Variants in TSGA10 observed in about 807,000 individuals in gnomAD.
TSGA10 encodes testis-specific gene 10 protein.
Under a neutral mutation model 96.6 loss-of-function variants are expected in TSGA10, and 43 were observed. That is an observed-to-expected ratio of 0.44 (90% CI 0.35 to 0.57). TSGA10 has a LOEUF of 0.57. Among genes scored for constraint, TSGA10 ranks in the 20% least tolerant of loss-of-function variants. The probability of loss-of-function intolerance (pLI) is 0.01; values close to 1 mark genes in which losing one functional copy is unlikely to be tolerated. For synonymous variants in TSGA10, 229 were observed against 269.9 expected (o/e 0.85, Z 1.48); for missense variants, 703 against 834.4 (o/e 0.84, Z 1.94).
At chr2:99,050,245 T>C (rs1573858181) in intron 16 of TSGA10, among the ~76,000 whole-genome samples, 1 of 152,214 alleles carries the variant, frequency 6.6e-6, no homozygotes, top group East Asian at 1.9e-4. Flanking sequence ...AGACACACAA[T>C]TGTATAAAGT....
chr2:99,117,996 T>C (rs2092366847), intron 3 of TSGA10, among the ~76,000 whole-genome samples: 1 of 152,182 alleles, frequency 6.6e-6, no homozygotes, highest in South Asian at 2.1e-4. Context: ...TTATAGTTTA[T>C]TTTAAAAAGA....
chr2:99,067,605 C>T (rs1304925554), intron 15 of TSGA10, among the ~76,000 whole-genome samples: 2 of 152,088 alleles, frequency 1.3e-5, no homozygotes, highest in Non-Finnish European at 2.9e-5. Context: ...GTAATCCCAG[C>T]ACTTTGGGAG....
intron 20 of TSGA10, among the ~76,000 whole-genome samples, chr2:99,000,348 A>C (rs1461141755): frequency 6.6e-6 from 1 of 150,686 alleles, no homozygotes; most frequent in Non-Finnish European, 1.5e-5. Context: ...CTCTACTGAA[A>C]AAAAAAAAAA....
At position 99,018,341 on chromosome 2, in the gene TSGA10, G is replaced by A. The variant is rs772444755; in HGVS notation, c.1931C>T (p.Ala644Val). The A allele has an allele frequency of 1.2e-5, 19 of 1,613,744 alleles. No homozygotes were observed. In the East Asian group the frequency reaches 3.8e-4, roughly 32 times the overall value. The change falls in exon 20 of 21, where the codon GCC becomes GTC. Residue 644 changes from alanine to valine, a missense_variant. Ala to Val is a moderately conservative substitution (Grantham distance 64). This residue lies in a region of TSGA10 where 69 missense variants were observed against 81.3 expected (regional missense o/e 0.85). Coordinates refer to ENST00000393483, the MANE Select transcript of TSGA10 (RefSeq NM_025244.4). Reference protein sequence around the residue: ...LGTERFERERAVQELRRQNYS... With the variant: ...LGTERFERERVVQELRRQNYS... Reference sequence around the variant, plus strand: ...ATTTTGGCGGCGAAGTTCTTGTACGGCCCTCTCCCTAAAGCAAAATAGTGA... The same window carrying A: ...ATTTTGGCGGCGAAGTTCTTGTACGACCCTCTCCCTAAAGCAAAATAGTGA...
At chr2:99,144,084 G>A (rs1404375102) in intron 1 of TSGA10, among the ~76,000 whole-genome samples, 1 of 152,082 alleles carries the variant, frequency 6.6e-6, no homozygotes, top group South Asian at 2.1e-4. Context: ...GCAGTGGCGC[G>A]ATCTCCGCTC....
chr2:99,056,663 T>C (rs1239617085), intron 16 of TSGA10, among the ~76,000 whole-genome samples: 1 of 152,040 alleles, frequency 6.6e-6, no homozygotes, highest in Non-Finnish European at 1.5e-5. Context: ...GAAGAATCAA[T>C]GCAAATTCCA....
At chr2:99,031,753 A>G (rs573187817) in intron 17 of TSGA10, among the ~76,000 whole-genome samples, 59 of 152,260 alleles carry the variant, frequency 3.9e-4, no homozygotes, top group African/African-American at 1.4e-3. Flanking sequence ...CATTACTCGC[A>G]TTACTGTCTG....
intron 16 of TSGA10, among the ~76,000 whole-genome samples, chr2:99,037,643 G>A (rs1050171130): frequency 2.0e-5 from 3 of 152,100 alleles, no homozygotes; most frequent in Non-Finnish European, 4.4e-5. Flanking sequence ...GAGGCCAGGA[G>A]TTCGAGACCA....
intron 10 of TSGA10, among the ~76,000 whole-genome samples, chr2:99,094,303 GAAGATAA>G: frequency 6.6e-6 from 1 of 152,106 alleles, no homozygotes; most frequent in Non-Finnish European, 1.5e-5. Flanking sequence ...AAAAATTATA[GAAGATAA>G]CATTGAAAAA....
At chr2:99,064,281 G>A (rs1169548493) in intron 16 of TSGA10, among the ~76,000 whole-genome samples, 2 of 152,066 alleles carry the variant, frequency 1.3e-5, no homozygotes, top group Admixed American at 1.3e-4. Context: ...TTTAAAAAGG[G>A]AATATTTATA....
intron 10 of TSGA10, among the ~76,000 whole-genome samples, chr2:99,086,823 T>C (rs2088471508): frequency 4.6e-5 from 7 of 151,812 alleles, no homozygotes; most frequent in Admixed American, 4.6e-4. Context: ...ATAATCTACA[T>C]AGGAAATCCT....
intron 16 of TSGA10, among the ~76,000 whole-genome samples, chr2:99,039,018 A>T (rs1423354488): frequency 6.6e-6 from 1 of 152,138 alleles, no homozygotes; most frequent in Non-Finnish European, 1.5e-5. Context: ...ATGGACATTA[A>T]ATAATCTGCT....
At chr2:99,153,344 C>G (rs2093711972) in intron 1 of TSGA10, among the ~76,000 whole-genome samples, 1 of 152,094 alleles carries the variant, frequency 6.6e-6, no homozygotes, top group Non-Finnish European at 1.5e-5. Flanking sequence ...GCAGTTTTTC[C>G]AAGAAGCTTG....
intron 16 of TSGA10, among the ~76,000 whole-genome samples, chr2:99,052,555 G>A (rs566987302): frequency 2.6e-5 from 4 of 151,802 alleles, no homozygotes; most frequent in East Asian, 1.9e-4. Context: ...TGGCTAACAC[G>A]GTGAAACCCC....
At chr2:99,091,786 C>G (rs1304456496) in intron 10 of TSGA10, among the ~76,000 whole-genome samples, 1 of 151,900 alleles carries the variant, frequency 6.6e-6, no homozygotes, top group Admixed American at 6.6e-5. Flanking sequence ...TACTACTAAA[C>G]CTAATAATTG....
At chr2:99,024,417 T>C (rs1160071517) in intron 17 of TSGA10, among the ~76,000 whole-genome samples, 1 of 152,198 alleles carries the variant, frequency 6.6e-6, no homozygotes, top group Admixed American at 6.5e-5. Flanking sequence ...GCTACCCTTT[T>C]TGATGCAATT....
intron 19 of TSGA10, 37 bp from the exon 20 acceptor site, chr2:99,018,386 A>C (rs2079720347): frequency 3.1e-6 from 5 of 1,603,628 alleles, no homozygotes; most frequent in Non-Finnish European, 4.3e-6. Flanking sequence ...TTTTATATCC[A>C]GCAAAATTAT....
chr2:99,057,631 T>C (rs2084158977), intron 16 of TSGA10, among the ~76,000 whole-genome samples: 1 of 152,158 alleles, frequency 6.6e-6, no homozygotes, highest in South Asian at 2.1e-4. Flanking sequence ...CTTGTGTTCA[T>C]GGATCAGAAA....
intron 16 of TSGA10, among the ~76,000 whole-genome samples, chr2:99,039,361 A>C (rs1168204920): frequency 6.6e-6 from 1 of 151,820 alleles, no homozygotes; most frequent in Non-Finnish European, 1.5e-5. Context: ...CTGGTTGAGA[A>C]GATAAACAAA....
Sources: allele counts gnomAD v4.1 joint callset (sites outside exome capture counted in the v4.1 genomes callset), GRCh38; gene constraint gnomAD v4.1.1; regional missense constraint gnomAD v4.1.1; transcripts MANE v1.5; gene names NCBI Gene and HGNC (gene_info 2026-07-23, HGNC 2026-07-21).